MED24: variants seen among roughly 807,000 people sequenced by gnomAD.
The protein encoded by MED24 is mediator complex subunit 24.
Under a neutral mutation model 118.8 loss-of-function variants are expected in MED24, and 74 were observed. The ratio of observed to expected loss-of-function variants is 0.62; its 90% CI spans 0.52 to 0.76. The LOEUF (loss-of-function observed/expected upper bound fraction) is 0.76, where lower values mean the gene tolerates loss of function less well. Among genes scored for constraint, MED24 ranks in the 30% least tolerant of loss-of-function variants. The pLI is 0.00. For synonymous variants in MED24, 521 were observed against 523.9 expected, an observed-to-expected ratio of 0.99 and a Z score of 0.08; for missense variants, 1,041 against 1,278.9, an observed-to-expected ratio of 0.81 and a Z score of 2.84.
In MED24 at chr17:40,024,887, C is replaced by T. The variant is rs148268579; in HGVS notation, c.1985+1269G>A. 9.4e-4 allele frequency among the ~76,000 whole-genome samples: 143 copies of T among 152,206 alleles called. 1 individual carries two copies. In the East Asian group the frequency reaches 0.026, roughly 27 times the overall value. On this transcript the variant is annotated intron_variant, in intron 19 of 25. Coordinates refer to ENST00000394128, the MANE Select transcript of MED24 (RefSeq NM_014815.4). ...AGTAGCTGGGATTGCAGGCGCCTGC[C>T]ACCACTCCCTGCTCATTTTTATATT...
chr17:40,049,676 G>A (rs1042714954), intron 3 of MED24, among the ~76,000 whole-genome samples: 66 of 151,946 alleles, frequency 4.3e-4, no homozygotes, highest in Admixed American at 7.2e-4. Flanking sequence ...ACAGGCACTC[G>A]CCACCATGCC....
rs1982684957 is a variant in MED24, at chr17:40,026,634, A to T, written c.1809+13T>A. 6.3e-7 allele frequency: 1 copy of T among 1,596,744 alleles called. No homozygotes were observed. Among genetic ancestry groups the T allele is most frequent in the East Asian group, 2.3e-5 (1 of 44,154 alleles). On this transcript the variant is annotated intron_variant, in intron 18 of 25. Transcript: ENST00000394128. The stretch of plus-strand genomic sequence containing the variant: ...TCTCAGGGGAGCAAACGCTGCTGGG[A>T]AGGCGGGGCTACCTGGATGGACTCG...
intron 3 of MED24, among the ~76,000 whole-genome samples, chr17:40,042,049 T>C (rs1984617086): frequency 6.6e-6 from 1 of 152,186 alleles, no homozygotes; most frequent in African/African-American, 2.4e-5. Context: ...ATACTTACTA[T>C]CTGGGTCCTT....
At chr17:40,051,329 T>C (rs533579573) in intron 3 of MED24, among the ~76,000 whole-genome samples, 4 of 150,556 alleles carry the variant, frequency 2.7e-5, no homozygotes, top group East Asian at 2.0e-4. Flanking sequence ...AAAATAAGGC[T>C]GGGCGGCCGG....
chr17:40,041,030 G>T (rs1984508045), intron 3 of MED24, among the ~76,000 whole-genome samples: 1 of 152,084 alleles, frequency 6.6e-6, no homozygotes, highest in Non-Finnish European at 1.5e-5. Context: ...TTACAGGTGT[G>T]AGCCACCACG....
At chr17:40,041,661 T>C (rs11078936) in intron 3 of MED24, among the ~76,000 whole-genome samples, 45,842 of 152,098 alleles carry the variant, frequency 0.3, 8,207 homozygotes, top group Middle Eastern at 0.51. Flanking sequence ...CACTGTCTCA[T>C]GATCCATCAG....
intron 17 of MED24, 39 bp downstream of exon 17, chr17:40,026,814 GCCC>G (rs773407700): frequency 8.1e-6 from 13 of 1,611,050 alleles, no homozygotes; most frequent in Non-Finnish European, 8.5e-7. Context: ...TCTTGACCCT[GCCC>G]CCACCGCCAC....
At position 40,035,764 on chromosome 17, in the gene MED24, T is replaced by TGGAC; in HGVS notation, c.280_283dup (p.Gln95ArgfsTer13). 1 of 1,614,036 alleles carries TGGAC rather than the reference T, an allele frequency of 6.2e-7. No homozygotes were observed. The highest frequency in any genetic ancestry group is 1.3e-5 in the African/African-American group (1 of 75,016). On this transcript the variant is annotated frameshift_variant, in exon 5 of 26. Transcript: ENST00000394128. LOFTEE classifies it high-confidence loss of function. ...CATGTCCATGATGTCCAGCAATGCCTGGACACACAGGTCCCGAGAAAAGTC... is the reference window on the plus strand; with the variant it reads ...CATGTCCATGATGTCCAGCAATGCCTGGACGGACACACAGGTCCCGAGAAAAGTC...
chr17:40,028,778 G>A (rs758252282), intron 14 of MED24, 48 bp downstream of exon 14: 40 of 1,605,552 alleles, frequency 2.5e-5, no homozygotes, highest in East Asian at 2.0e-4. Flanking sequence ...TCCTCCCAAC[G>A]CGCAGCCTCC....
At position 40,028,809 on chromosome 17, in the gene MED24, G is replaced by A. The variant is rs1383820521; in HGVS notation, c.1409+17C>T. The A allele has an allele frequency of 3.7e-6, 6 of 1,612,864 alleles. No homozygotes were observed. The highest frequency in any genetic ancestry group is 5.1e-6 in the Non-Finnish European group (6 of 1,179,870). ...CCTCCCTGCACGCCCTGGGGTCAGGGGCTTGGCCTTCCTCACTTGATGAAT... is the reference window on the plus strand; with the variant it reads ...CCTCCCTGCACGCCCTGGGGTCAGGAGCTTGGCCTTCCTCACTTGATGAAT... On this transcript the variant is annotated intron_variant, in intron 14 of 25. Transcript: ENST00000394128.
Position 40,020,074 on chromosome 17 carries a change from T to C in MED24, c.2705-141A>G, listed in dbSNP as rs972443840. ...AAAATGGGGTGTCAGAGAGAGAAAA[T>C]ATAAAAGGCAATTGGGGAGGGGAGG... is the stretch of plus-strand genomic sequence containing the variant. On this transcript the variant is annotated intron_variant, in intron 24 of 25. Transcript: ENST00000394128. 13 of 1,150,104 alleles carry C rather than the reference T, an allele frequency of 1.1e-5. No individual in the cohort carries two copies. In the African/African-American group the frequency reaches 1.9e-4, roughly 17 times the overall value. 71.2% of individuals were successfully genotyped at this position (1,150,104 alleles called of 1,614,324 possible). A position where few individuals can be genotyped will look rare whatever the true frequency, so the allele number is the denominator to read the frequency against.
chr17:40,021,179 T>C (rs9913632), intron 23 of MED24: 140,438 of 152,636 alleles, frequency 0.92, 64,699 homozygotes, highest in Middle Eastern at 0.97. Context: ...TAACATGTGG[T>C]GAGCACACAG....
intron 3 of MED24, among the ~76,000 whole-genome samples, chr17:40,042,310 AAACT>A (rs1329308295): frequency 6.6e-6 from 1 of 152,252 alleles, no homozygotes; most frequent in East Asian, 1.9e-4. Flanking sequence ...AAAAATAAAG[AAACT>A]AAGTGAAGAT....
intron 3 of MED24, among the ~76,000 whole-genome samples, chr17:40,038,974 G>A (rs565234303): frequency 8.6e-4 from 131 of 152,228 alleles, no homozygotes; most frequent in African/African-American, 2.9e-3. Context: ...TGACCATAAC[G>A]TTCCGGCGAG....
intron 3 of MED24, among the ~76,000 whole-genome samples, chr17:40,050,656 T>C (rs1296661376): frequency 6.6e-6 from 1 of 151,968 alleles, no homozygotes; most frequent in Non-Finnish European, 1.5e-5. Context: ...TTCTCACTGA[T>C]AAGTGGGAGC....
intron 10 of MED24, 102 bp from the exon 11 acceptor site, chr17:40,031,722 T>C: frequency 9.0e-7 from 1 of 1,116,588 alleles, no homozygotes; most frequent in Non-Finnish European, 1.3e-6. Flanking sequence ...GTTGCCTGGC[T>C]GCTTTCTGCC....
At chr17:40,032,429 A>C (rs565403031) in intron 9 of MED24, 2 of 574,444 alleles carry the variant, frequency 3.5e-6, no homozygotes, top group East Asian at 5.9e-5. Context: ...TGACCAAGCT[A>C]AACTGCACCT....
At chr17:40,052,336 A>C (rs1218830657) in intron 3 of MED24, among the ~76,000 whole-genome samples, 1 of 152,228 alleles carries the variant, frequency 6.6e-6, no homozygotes, top group Non-Finnish European at 1.5e-5. Context: ...ATGTGTATTA[A>C]GTACATTTTC....
chr17:40,029,632 T>G, intron 13 of MED24, 116 bp downstream of exon 13: 3 of 943,982 alleles, frequency 3.2e-6, no homozygotes, highest in Non-Finnish European at 4.8e-6. Context: ...AAAGCAACTA[T>G]GTATAAAAGC....
Sources: allele counts gnomAD v4.1 joint callset (sites outside exome capture counted in the v4.1 genomes callset), GRCh38; gene constraint gnomAD v4.1.1; transcripts MANE v1.5; gene names NCBI Gene and HGNC (gene_info 2026-07-23, HGNC 2026-07-21).